The following HMCN2 variants were observed in gnomAD, a reference collection of about 807,000 sequenced individuals.
HMCN2 encodes hemicentin 2.
HMCN2 carries 325 observed loss-of-function variants against 377.5 expected under a neutral mutation model. The observed-to-expected ratio is 0.86, with a 90% CI of 0.79 to 0.94. HMCN2 has a LOEUF of 0.94. Among genes scored for constraint, HMCN2 ranks in the 40% least tolerant of loss-of-function variants. HMCN2 has a pLI of 0.00. For synonymous variants in HMCN2, 2,007 were observed against 2,046.8 expected (o/e 0.98, Z 0.53); for missense variants, 4,543 against 4,725.3 (o/e 0.96, Z 1.13).
chr9:130,431,224 TG>T, intron 95 of HMCN2, 142 bp from the exon 96 acceptor site: 3 of 832,360 alleles, frequency 3.6e-6, no homozygotes, highest in Non-Finnish European at 5.6e-6. Context: ...CCCCTGAACC[TG>T]GGCTGGGAGG....
Position 130,418,867 on chromosome 9 carries a change from A to G in HMCN2, c.13057A>G (p.Thr4353Ala), listed in dbSNP as rs1843831421. Residue 4353 changes from threonine to alanine, a missense_variant, in exon 86 of 98, where the codon ACC becomes GCC. This residue lies in a region of HMCN2 where 1,155 missense variants were observed against 1,157.7 expected (regional missense o/e 1.00). Coordinates refer to ENST00000683500, the MANE Select transcript of HMCN2 (RefSeq NM_001291815.2). ...CCAGGCCACTGGAGAGCCCACACCCACCATTGAATGGCTACAGGCGGGTCA... is the reference window on the plus strand; with the variant it reads ...CCAGGCCACTGGAGAGCCCACACCCGCCATTGAATGGCTACAGGCGGGTCA... ...RCQATGEPTPTIEWLQAGQPL... is the reference protein window; with the variant it reads ...RCQATGEPTPAIEWLQAGQPL... The G allele has an allele frequency of 6.5e-7, 1 of 1,549,386 alleles. No homozygotes were observed. Among genetic ancestry groups the G allele is most frequent in the African/African-American group, 1.4e-5 (1 of 73,034 alleles).
intron 1 of HMCN2, among the ~76,000 whole-genome samples, chr9:130,280,901 C>T (rs1835077036): frequency 1.3e-5 from 2 of 151,898 alleles, no homozygotes; most frequent in Admixed American, 6.6e-5. Flanking sequence ...GTCAGGAGAT[C>T]GAGACCATCC....
intron 85 of HMCN2, among the ~76,000 whole-genome samples, chr9:130,416,352 G>A (rs905109476): frequency 6.6e-6 from 1 of 152,154 alleles, no homozygotes; most frequent in African/African-American, 2.4e-5. Flanking sequence ...TGATCCACCC[G>A]CCTCGGCCTC....
intron 82 of HMCN2, chr9:130,406,927 G>A (rs116451630): frequency 0.013 from 2,020 of 153,428 alleles, 42 homozygotes; most frequent in African/African-American, 0.045. Context: ...AGAGGTGATG[G>A]CCCACCCCAA....
chr9:130,428,029 C>G lies in HMCN2; in HGVS notation c.14066-329C>G, dbSNP rs548075808. ...CCTCAGGTGATGGTGCTGACGCTGA[C>G]CCCCAGTCTGCATCCCTGCACTCCC... On this transcript the variant is annotated intron_variant, in intron 92 of 97. Coordinates refer to ENST00000683500, the MANE Select transcript of HMCN2 (RefSeq NM_001291815.2). This position sits in a 1 kb window ranked among gnomAD's most constrained non-coding sequence, Gnocchi z 5.0. Among the ~76,000 whole-genome samples the G allele has an allele frequency of 1.2e-4, 19 of 152,306 alleles. No homozygotes were observed. In the South Asian group the frequency reaches 3.5e-3, roughly 28 times the overall value.
At chr9:130,343,441 C>T in intron 25 of HMCN2, among the ~76,000 whole-genome samples, 1 of 152,286 alleles carries the variant, frequency 6.6e-6, no homozygotes, top group South Asian at 2.1e-4. Flanking sequence ...GGGATGGCAC[C>T]CACCTAGGCA....
In HMCN2 at chr9:130,289,980, G is replaced by A. The variant is rs144959384; in HGVS notation, c.612+3670G>A. ...TGTCAAATGTTCTGGGAGGATCCTCGGGGATGATTTATCTGCTGCGAAGGG... is the reference window on the plus strand; with the variant it reads ...TGTCAAATGTTCTGGGAGGATCCTCAGGGATGATTTATCTGCTGCGAAGGG... On this transcript the variant is annotated intron_variant, in intron 4 of 97. Transcript: ENST00000683500. 9.0e-3 allele frequency among the ~76,000 whole-genome samples: 1,369 copies of A among 152,286 alleles called. 14 individuals carry two copies. The highest frequency in any genetic ancestry group is 0.032 in the African/African-American group (1,321 of 41,570).
intron 1 of HMCN2, among the ~76,000 whole-genome samples, chr9:130,271,606 C>T (rs78365950): frequency 0.11 from 16,454 of 148,500 alleles, 2,256 homozygotes; most frequent in Non-Finnish European, 0.13. Flanking sequence ...TTTTTGTTTT[C>T]GTTTTTCCCA....
rs1289979312 is a variant in HMCN2 at position 130,393,104 on chromosome 9, G to C, written c.10137-108G>C. On this transcript the variant is annotated intron_variant, in intron 66 of 97. Transcript: ENST00000683500. The surrounding 1 kb of genome is among the most constrained non-coding windows in gnomAD (Gnocchi z 5.2). The stretch of plus-strand genomic sequence containing the variant: ...CTTGGGAGACAAAGGTTGGAAAAGG[G>C]AGGAAGTCTTTCCACGCAGCCAGCC... 1 of 677,400 alleles carries C rather than the reference G, an allele frequency of 1.5e-6. No homozygotes were observed. Among genetic ancestry groups the C allele is most frequent in the Non-Finnish European group, 1.8e-6 (1 of 547,302 alleles). The allele number at this position is 677,400 out of a possible 1,614,324, so 42.0% of individuals were successfully genotyped here.
In HMCN2 at chr9:130,425,805, A is replaced by G. The variant is rs771723308; in HGVS notation, c.13760A>G (p.Asn4587Ser). Residue 4587 changes from asparagine (N) to serine (S), a missense_variant, in exon 90 of 98, where the codon AAC becomes AGC. By Grantham distance (46) the Asn-to-Ser change is conservative. This residue lies in a region of HMCN2 where 1,155 missense variants were observed against 1,157.7 expected (regional missense o/e 1.00). Transcript: ENST00000683500. ...FLRCNHSIQYNAARGPQPQLV... is the reference protein window; with the variant it reads ...FLRCNHSIQYSAARGPQPQLV... The stretch of plus-strand genomic sequence containing the variant: ...CGCTGCAACCACAGCATCCAGTACA[A>G]CGCGGCCCGGGGCCCCCAGCCCCAG... 94 of 1,550,356 alleles carry G rather than the reference A, an allele frequency of 6.1e-5. No homozygotes were observed. Among genetic ancestry groups the G allele is most frequent in the Non-Finnish European group, 7.8e-5 (89 of 1,146,964 alleles).
At chr9:130,431,869 C>A (rs1249800507) in intron 96 of HMCN2, among the ~76,000 whole-genome samples, 1 of 152,364 alleles carries the variant, frequency 6.6e-6, no homozygotes, top group Middle Eastern at 3.4e-3. Flanking sequence ...GAGCACAGAG[C>A]CGCACAGCTG....
At chr9:130,283,534 G>C (rs1178122943) in intron 1 of HMCN2, among the ~76,000 whole-genome samples, 2 of 151,912 alleles carry the variant, frequency 1.3e-5, no homozygotes, top group African/African-American at 4.8e-5. Flanking sequence ...GATACACTGA[G>C]GATCCCACAT....
Position 130,422,473 on chromosome 9 carries a change from G to A in HMCN2, c.13232-104G>A, listed in dbSNP as rs1472431042. On this transcript the variant is annotated intron_variant, in intron 86 of 97. Coordinates refer to ENST00000683500, the MANE Select transcript of HMCN2 (RefSeq NM_001291815.2). This position sits in a 1 kb window ranked among gnomAD's most constrained non-coding sequence, Gnocchi z 4.2. The stretch of plus-strand genomic sequence containing the variant: ...TTGGACAAGTGGAGGTGAACTCTCC[G>A]AGCCTCCATTTACTCCTTCACGAAA... The A allele has an allele frequency of 1.7e-5, 15 of 874,468 alleles. No individual in the cohort carries two copies. The highest frequency in any genetic ancestry group is 6.7e-5 in the East Asian group (2 of 29,978). 54.2% of individuals were successfully genotyped at this position (874,468 alleles called of 1,614,324 possible). A position where few individuals can be genotyped will look rare whatever the true frequency, so the allele number is the denominator to read the frequency against.
rs1270106628 is a variant in HMCN2, at chr9:130,353,225, G to A, written c.4864+20G>A. The stretch of plus-strand genomic sequence containing the variant: ...TTTATGGTGAGCAGCCAGGGGCCAC[G>A]GCAGCCGGGGTGGGCAGTGGGAGGG... On this transcript the variant is annotated intron_variant, in intron 31 of 97. Transcript: ENST00000683500. The A allele has an allele frequency of 1.8e-5, 23 of 1,300,028 alleles. No individual in the cohort carries two copies. In the Middle Eastern group the frequency reaches 1.0e-3, roughly 58 times the overall value. The allele number at this position is 1,300,028 out of a possible 1,614,324, so 80.5% of individuals were successfully genotyped here. A position where few individuals can be genotyped will look rare whatever the true frequency, so the allele number is the denominator to read the frequency against.
Position 130,362,766 on chromosome 9 carries a change from G to A in HMCN2, c.6109-101G>A, listed in dbSNP as rs553473473. 62 of 907,712 alleles carry A rather than the reference G, an allele frequency of 6.8e-5. No homozygotes were observed. The East Asian group carries it at 7.1e-4, about 10-fold the overall frequency. 56.2% of individuals were successfully genotyped at this position (907,712 alleles called of 1,614,324 possible). On this transcript the variant is annotated intron_variant, in intron 39 of 97. Coordinates refer to ENST00000683500, the MANE Select transcript of HMCN2 (RefSeq NM_001291815.2). ...TGAGTCTGGGGCAGGCTGTCCAGGCGTGCTCGGCAGCAAGGCCGGCTTGGG... is the reference window on the plus strand; with the variant it reads ...TGAGTCTGGGGCAGGCTGTCCAGGCATGCTCGGCAGCAAGGCCGGCTTGGG...
chr9:130,266,048 T>A lies in HMCN2; in HGVS notation c.170T>A (p.Ile57Asn). ...ATGTGGGACGAACTGATGCAGGTGATCGATGGCGCCTCGCGCATTCTGGAA... is the reference window on the plus strand; with the variant it reads ...ATGTGGGACGAACTGATGCAGGTGAACGATGGCGCCTCGCGCATTCTGGAA... Reference protein sequence around the residue: ...GSMWDELMQVIDGASRILERS... With the variant: ...GSMWDELMQVNDGASRILERS... The change falls in exon 1 of 98, where the codon ATC (isoleucine) becomes AAC (asparagine). Residue 57 changes from isoleucine to asparagine, a missense_variant. Ile to Asn is a moderately radical substitution (Grantham distance 149). This residue lies in a region of HMCN2 where 547 missense variants were observed against 189.9 expected (regional missense o/e 2.88). Transcript: ENST00000683500. 1 of 470,918 alleles carries A rather than the reference T, an allele frequency of 2.1e-6. No homozygotes were observed. The highest frequency in any genetic ancestry group is 1.5e-5 in the South Asian group (1 of 64,566). The allele number at this position is 470,918 out of a possible 1,614,324, so 29.2% of individuals were successfully genotyped here. A position where few individuals can be genotyped will look rare whatever the true frequency, so the allele number is the denominator to read the frequency against.
chr9:130,295,954 C>T (rs1393584019), intron 6 of HMCN2, among the ~76,000 whole-genome samples, 182 bp downstream of exon 6: 1 of 152,084 alleles, frequency 6.6e-6, no homozygotes, highest in Non-Finnish European at 1.5e-5. Context: ...TTGCCTTGTA[C>T]CAGTAGGAAG....
In HMCN2 at chr9:130,284,672, A is replaced by G. The variant is rs1286034208; in HGVS notation, c.329A>G (p.Gln110Arg). The change falls in exon 2 of 98, where the codon CAG becomes CGG. Residue 110 changes from glutamine to arginine, a missense_variant and splice_region_variant. Gln to Arg is a conservative substitution (Grantham distance 43, BLOSUM62 1). Around this residue, in one of 5 missense-constraint regions of HMCN2, gnomAD observed 547 missense variants for 189.9 expected, o/e 2.88. Coordinates refer to ENST00000683500, the MANE Select transcript of HMCN2 (RefSeq NM_001291815.2). ...FQRELRELYV[Q>R]GGGDCPEMSV... ...AGGGAGCTGAGAGAACTCTACGTGC[A>G]GGTGGGCAGCCCCTGACCCTCTGTC... is the stretch of plus-strand genomic sequence containing the variant. 4.2e-6 allele frequency: 2 copies of G among 471,050 alleles called. No individual in the cohort carries two copies. Among genetic ancestry groups the G allele is most frequent in the African/African-American group, 2.0e-5 (1 of 50,080 alleles). The allele number at this position is 471,050 out of a possible 1,614,324, so 29.2% of individuals were successfully genotyped here. A position where few individuals can be genotyped will look rare whatever the true frequency, so the allele number is the denominator to read the frequency against.
chr9:130,336,287 A>G (rs1219159216), intron 22 of HMCN2, among the ~76,000 whole-genome samples: 2 of 152,264 alleles, frequency 1.3e-5, no homozygotes, highest in Non-Finnish European at 2.9e-5. Flanking sequence ...TATACTCATG[A>G]TGCTATTTAT....
Sources: gnomAD v4.1 joint callset for allele counts (sites outside exome capture counted in the v4.1 genomes callset) on GRCh38, gnomAD v4.1.1 for gene constraint, gnomAD v4.1.1 regional missense constraint, Gnocchi (gnomAD v3.1) non-coding constraint, MANE v1.5 for transcripts, NCBI Gene and HGNC (gene_info 2026-07-23, HGNC 2026-07-21) for gene names.